MYCBP2: variants seen among roughly 807,000 people sequenced by gnomAD.
The protein encoded by MYCBP2 is E3 ubiquitin-protein ligase MYCBP2.
MYCBP2 carries 120 observed loss-of-function variants against 525.3 expected under a neutral mutation model. The ratio of observed to expected loss-of-function variants is 0.23; its 90% CI spans 0.20 to 0.27. The LOEUF (loss-of-function observed/expected upper bound fraction) is 0.27, where lower values mean the gene tolerates loss of function less well. Among genes scored for constraint, MYCBP2 ranks in the 10% least tolerant of loss-of-function variants. MYCBP2 has a pLI of 1.00. For synonymous variants in MYCBP2, 1,894 were observed against 1,955.8 expected (o/e 0.97, Z 0.83); for missense variants, 4,149 against 5,657.1 (o/e 0.73, Z 8.55).
chr13:77,213,065 A>C (rs2064261659), intron 21 of MYCBP2, among the ~76,000 whole-genome samples: 1 of 152,216 alleles, frequency 6.6e-6, no homozygotes, highest in African/African-American at 2.4e-5. Flanking sequence ...GGACAGAACC[A>C]GGGAAGGAAA....
At chr13:77,290,354 T>G (rs2077341433) in intron 2 of MYCBP2, among the ~76,000 whole-genome samples, 1 of 152,236 alleles carries the variant, frequency 6.6e-6, no homozygotes, top group African/African-American at 2.4e-5. Context: ...AGCAATTATG[T>G]TCTTGGACAT....
intron 1 of MYCBP2, among the ~76,000 whole-genome samples, chr13:77,314,130 G>A (rs1042552867): frequency 3.9e-5 from 6 of 152,134 alleles, no homozygotes; most frequent in African/African-American, 1.2e-4. Context: ...CTCTTAGCAC[G>A]TGATCCCACA....
In MYCBP2 at chr13:77,055,655, C is replaced by T. The variant is rs1431541266; in HGVS notation, c.13550G>A (p.Ser4517Asn). Residue 4517 changes from serine to asparagine, a missense_variant, in exon 80 of 83, where the codon AGT becomes AAT. Coordinates refer to ENST00000544440, the MANE Select transcript of MYCBP2 (RefSeq NM_015057.5). ...CACACCAGGAGTTGTGATAGCTTCA[C>T]TCTTATGCAGACCTTCATATTCCAA... Reference protein sequence around the residue: ...MRLEYEGLHKSEAITTPGVRF... With the variant: ...MRLEYEGLHKNEAITTPGVRF... 1.9e-6 allele frequency: 3 copies of T among 1,614,004 alleles called. No individual in the cohort carries two copies. Among genetic ancestry groups the T allele is most frequent in the Non-Finnish European group, 2.5e-6 (3 of 1,180,008 alleles).
chr13:77,225,580 A>T (rs2154296064), intron 18 of MYCBP2, 26 bp from the exon 19 acceptor site: 2 of 1,612,366 alleles, frequency 1.2e-6, no homozygotes, highest in South Asian at 2.2e-5. Context: ...TTTGTGAATT[A>T]TGATTAAGCC....
chr13:77,215,992 C>T (rs1043058737), intron 21 of MYCBP2, among the ~76,000 whole-genome samples: 1 of 152,186 alleles, frequency 6.6e-6, no homozygotes, highest in Middle Eastern at 3.2e-3. Flanking sequence ...GTGTCTAATA[C>T]TATTCCCCAC....
intron 1 of MYCBP2, among the ~76,000 whole-genome samples, chr13:77,298,787 T>A (rs563252799): frequency 6.6e-6 from 1 of 152,152 alleles, no homozygotes; most frequent in Non-Finnish European, 1.5e-5. Context: ...TAGTATGCCA[T>A]AAAAGTAAAG....
chr13:77,100,608 A>T (rs563405807), intron 55 of MYCBP2, among the ~76,000 whole-genome samples: 2 of 152,082 alleles, frequency 1.3e-5, no homozygotes, highest in Non-Finnish European at 2.9e-5. Context: ...GAAATAATAG[A>T]GTATGGCAAG....
intron 1 of MYCBP2, among the ~76,000 whole-genome samples, chr13:77,325,787 GA>G (rs2082215470): frequency 6.6e-6 from 1 of 152,196 alleles, no homozygotes; most frequent in East Asian, 1.9e-4. Context: ...CTCATTTCTA[GA>G]AGACCAAAAG....
At chr13:77,241,640 T>G (rs989706635) in intron 17 of MYCBP2, among the ~76,000 whole-genome samples, 3 of 152,176 alleles carry the variant, frequency 2.0e-5, no homozygotes, top group Non-Finnish European at 4.4e-5. Context: ...ATTAATCTCA[T>G]TAAAATATCC....
At chr13:77,062,808 A>G in intron 73 of MYCBP2, 111 bp from the exon 74 acceptor site, 1 of 799,608 alleles carries the variant, frequency 1.3e-6, no homozygotes, top group South Asian at 1.6e-5. Context: ...TTGAAAATAC[A>G]TAGATACTCA....
At chr13:77,165,836 T>A (rs1304076516) in intron 41 of MYCBP2, among the ~76,000 whole-genome samples, 3 of 152,194 alleles carry the variant, frequency 2.0e-5, no homozygotes, top group African/African-American at 4.8e-5. Context: ...AAATTGCCTA[T>A]TAGTTTGAAG....
chr13:77,060,216 G>T (rs754243285), intron 76 of MYCBP2, among the ~76,000 whole-genome samples: 27 of 152,070 alleles, frequency 1.8e-4, no homozygotes, highest in Non-Finnish European at 3.5e-4. Context: ...AGACCAAGCT[G>T]ATTTTTAAAC....
At chr13:77,090,525 G>T in intron 59 of MYCBP2, 1 of 246,838 alleles carries the variant, frequency 4.1e-6, no homozygotes, top group Non-Finnish European at 7.6e-6. Context: ...AGGTTTCCAA[G>T]CTCCTTTTAG....
intron 29 of MYCBP2, among the ~76,000 whole-genome samples, chr13:77,189,840 T>C (rs1192343849): frequency 6.6e-6 from 1 of 152,142 alleles, no homozygotes; most frequent in Non-Finnish European, 1.5e-5. Context: ...TCCAACTCAT[T>C]TTATCAGTCT....
intron 17 of MYCBP2, among the ~76,000 whole-genome samples, chr13:77,238,340 C>T (rs937177713): frequency 6.6e-6 from 1 of 151,368 alleles, no homozygotes; most frequent in Non-Finnish European, 1.5e-5. Context: ...CCATCTACAG[C>T]TCACAATTAT....
At chr13:77,093,029 T>C (rs1481421953) in intron 59 of MYCBP2, 136 bp downstream of exon 59, 3 of 785,904 alleles carry the variant, frequency 3.8e-6, no homozygotes, top group Non-Finnish European at 6.0e-6. Flanking sequence ...ACATGTATGC[T>C]TTTTCTTACT....
At position 77,185,920 on chromosome 13, in the gene MYCBP2, A is replaced by C. The variant is rs775036060; in HGVS notation, c.4395T>G (p.Cys1465Trp). Residue 1465 changes from cysteine (C) to tryptophan (W), a missense_variant, in exon 31 of 83, where the codon TGT becomes TGG. Transcript: ENST00000544440. The stretch of plus-strand genomic sequence containing the variant: ...TATAGACACGCAATAACCTCAGACA[A>C]CAGGTACCCACAAAGCGCAGTCTCT... ...DLERLRFVGT[C>W]CLRLLRVYTC... is the part of the protein sequence containing the mutation. 8 of 1,612,722 alleles carry C rather than the reference A, an allele frequency of 5.0e-6. No individual in the cohort carries two copies. The African/African-American group carries it at 9.4e-5, about 19-fold the overall frequency.
In MYCBP2 at chr13:77,299,934, G is replaced by T. The variant is rs142448637; in HGVS notation, c.303-3260C>A. ...TTTTCTTAAGAGCTACACTGCTTAA[G>T]AAAAATCAAATACTTCTGCAATATA... On this transcript the variant is annotated intron_variant, in intron 1 of 82. Transcript: ENST00000544440. Among the ~76,000 whole-genome samples, 157 of 152,178 alleles carry T rather than the reference G, an allele frequency of 1.0e-3. 1 individual carries two copies. The highest frequency in any genetic ancestry group is 3.4e-3 in the Middle Eastern group (1 of 294).
chr13:77,061,552 G>T, intron 75 of MYCBP2, 110 bp downstream of exon 75: 1 of 1,292,874 alleles, frequency 7.7e-7, no homozygotes, highest in Non-Finnish European at 1.1e-6. Context: ...CTCAACCAAG[G>T]TCTTTGATTC....
Sources: gnomAD v4.1 joint callset for allele counts (sites outside exome capture counted in the v4.1 genomes callset) on GRCh38, gnomAD v4.1.1 for gene constraint, MANE v1.5 for transcripts, NCBI Gene and HGNC (gene_info 2026-07-23, HGNC 2026-07-21) for gene names.